NDST3: variants seen among roughly 807,000 people sequenced by gnomAD.
NDST3 encodes bifunctional heparan sulfate N-deacetylase/N-sulfotransferase 3.
A neutral mutation model predicts 96.1 loss-of-function variants in NDST3; 58 were observed. The ratio of observed to expected loss-of-function variants is 0.60; its 90% CI spans 0.49 to 0.75. The LOEUF (loss-of-function observed/expected upper bound fraction) is 0.75, where lower values mean the gene tolerates loss of function less well. NDST3 is among the 30% of genes least tolerant of loss of function. NDST3 has a pLI of 0.00. For synonymous variants in NDST3, 333 were observed against 359.7 expected (o/e 0.93, Z 0.84); for missense variants, 788 against 1,034.2 (o/e 0.76, Z 3.27).
At chr4:118,114,253 G>C (rs1730874066) in intron 3 of NDST3, among the ~76,000 whole-genome samples, 1 of 152,102 alleles carries the variant, frequency 6.6e-6, no homozygotes, top group African/African-American at 2.4e-5. Context: ...TCATCCTTCA[G>C]TTTTCCCTAA....
At chr4:118,119,158 G>C (rs940139521) in intron 4 of NDST3, among the ~76,000 whole-genome samples, 1 of 151,848 alleles carries the variant, frequency 6.6e-6, no homozygotes, top group East Asian at 1.9e-4. Context: ...TGTCCTTTTT[G>C]CCTCTCTTTT....
chr4:118,187,176 G>T (rs900173991), intron 6 of NDST3, among the ~76,000 whole-genome samples: 1 of 152,092 alleles, frequency 6.6e-6, no homozygotes, highest in Admixed American at 6.6e-5. Flanking sequence ...ATTCCTTCAC[G>T]TACAACTAGA....
At chr4:118,152,861 G>A (rs558661117) in intron 6 of NDST3, among the ~76,000 whole-genome samples, 24 of 152,182 alleles carry the variant, frequency 1.6e-4, no homozygotes, top group Non-Finnish European at 2.4e-4. Flanking sequence ...TGACTGCCTC[G>A]TCCGCTGGAT....
At chr4:118,162,712 A>C (rs1271613760) in intron 6 of NDST3, among the ~76,000 whole-genome samples, 1 of 147,742 alleles carries the variant, frequency 6.8e-6, no homozygotes, top group African/African-American at 2.4e-5. Flanking sequence ...TGTCTAAAAC[A>C]CCAAAAGCAA....
chr4:118,139,914 T>A (rs1357884599), intron 5 of NDST3, among the ~76,000 whole-genome samples: 1 of 152,208 alleles, frequency 6.6e-6, no homozygotes, highest in Non-Finnish European at 1.5e-5. Flanking sequence ...TCCTACTTTA[T>A]CTATTTACAG....
intron 6 of NDST3, among the ~76,000 whole-genome samples, chr4:118,177,546 A>G (rs927142030): frequency 1.3e-5 from 2 of 152,064 alleles, no homozygotes; most frequent in Admixed American, 6.6e-5. Flanking sequence ...GTTTAAGATT[A>G]CAGGAAAACA....
chr4:118,059,647 CAGCTAAGGGA>C (rs34091625), intron 2 of NDST3, among the ~76,000 whole-genome samples: 5,495 of 59,554 alleles, frequency 0.092, 347 homozygotes, highest in African/African-American at 0.16. Context: ...TTCACCACCC[CAGCTAAGGGA>C]AGCCAGAGGC....
At chr4:118,251,613 ATT>A (rs1481116594) in intron 12 of NDST3, among the ~76,000 whole-genome samples, 1 of 152,152 alleles carries the variant, frequency 6.6e-6, no homozygotes, top group East Asian at 1.9e-4. Flanking sequence ...AGATGTGTAG[ATT>A]TATTTCTGAA....
chr4:118,196,428 T>C (rs1209824817), intron 6 of NDST3, among the ~76,000 whole-genome samples: 1 of 152,286 alleles, frequency 6.6e-6, no homozygotes, highest in South Asian at 2.1e-4. Context: ...TTGCTATTAG[T>C]TATTTTTTAA....
chr4:118,036,193 AT>A (rs1277931795), intron 1 of NDST3, among the ~76,000 whole-genome samples: 4 of 151,908 alleles, frequency 2.6e-5, no homozygotes, highest in African/African-American at 9.7e-5. Context: ...AGAAATTACA[AT>A]TTTTTTTCTT....
chr4:118,075,480 T>G, intron 2 of NDST3, among the ~76,000 whole-genome samples: 1 of 152,228 alleles, frequency 6.6e-6, no homozygotes, highest in East Asian at 1.9e-4. Flanking sequence ...CACACTGTCT[T>G]CCACAATGGT....
chr4:118,175,424 T>C (rs1736213940), intron 6 of NDST3, among the ~76,000 whole-genome samples: 1 of 146,102 alleles, frequency 6.8e-6, no homozygotes, highest in Admixed American at 6.8e-5. Flanking sequence ...TATCATATAT[T>C]AATAATAATT....
In NDST3 at chr4:118,054,442, A is replaced by C. The variant is rs1235928027; in HGVS notation, c.532A>C (p.Lys178Gln). 6.2e-7 allele frequency: 1 copy of C among 1,613,088 alleles called. No homozygotes were observed. Residue 178 changes from lysine to glutamine, a missense_variant, in exon 2 of 14, where the codon AAA (lysine) becomes CAA (glutamine). Lys to Gln is a moderately conservative substitution (Grantham distance 53). Around this residue, in one of 3 missense-constraint regions of NDST3, gnomAD observed 234 missense variants for 256.9 expected, o/e 0.91. Transcript: ENST00000296499. ...GAAGAGTGTACAGAGCTTTCAGTTA[A>C]AAGGTTTCCCTTTTTCCATATATGG... ...SEKSVQSFQLKGFPFSIYGNL... is the reference protein window; with the variant it reads ...SEKSVQSFQLQGFPFSIYGNL...
chr4:118,146,569 CAGA>C (rs1733962777), intron 6 of NDST3, among the ~76,000 whole-genome samples: 1 of 152,140 alleles, frequency 6.6e-6, no homozygotes, highest in African/African-American at 2.4e-5. Context: ...AACCGTTAAA[CAGA>C]ATAACTCTCT....
chr4:118,097,268 C>T (rs762035303), intron 2 of NDST3, among the ~76,000 whole-genome samples: 29 of 151,912 alleles, frequency 1.9e-4, no homozygotes, highest in Non-Finnish European at 2.9e-4. Context: ...TTATATAACC[C>T]ATGTTGTCTA....
intron 6 of NDST3, among the ~76,000 whole-genome samples, chr4:118,222,836 TTTAA>T (rs1474385443): frequency 3.3e-5 from 5 of 151,984 alleles, no homozygotes; most frequent in African/African-American, 4.8e-5. Context: ...AGCTCTCTGC[TTTAA>T]TTGTCAGAAT....
chr4:118,061,113 T>C (rs1725859296), intron 2 of NDST3, among the ~76,000 whole-genome samples: 2 of 152,160 alleles, frequency 1.3e-5, no homozygotes, highest in Non-Finnish European at 2.9e-5. Context: ...CCAGTGTCTT[T>C]ATCTCTGCTA....
At chr4:118,254,513 T>C (rs1402337059) in intron 13 of NDST3, among the ~76,000 whole-genome samples, 1 of 152,206 alleles carries the variant, frequency 6.6e-6, no homozygotes, top group African/African-American at 2.4e-5. Flanking sequence ...TGGTGATCAC[T>C]TAATGCTACA....
At chr4:118,150,993 T>C (rs1734353196) in intron 6 of NDST3, among the ~76,000 whole-genome samples, 1 of 151,502 alleles carries the variant, frequency 6.6e-6, no homozygotes, top group South Asian at 2.1e-4. Flanking sequence ...AACCCAAATG[T>C]CCAACAATGA....
Sources: gnomAD v4.1 joint callset for allele counts (sites outside exome capture counted in the v4.1 genomes callset) on GRCh38, gnomAD v4.1.1 for gene constraint, gnomAD v4.1.1 regional missense constraint, MANE v1.5 for transcripts, NCBI Gene and HGNC (gene_info 2026-07-23, HGNC 2026-07-21) for gene names.